CHL1: variants seen among roughly 807,000 people sequenced by gnomAD.
The protein encoded by CHL1 is neural cell adhesion molecule L1-like protein.
Under a neutral mutation model 141.9 loss-of-function variants are expected in CHL1, and 96 were observed. That is an observed-to-expected ratio of 0.68 (90% CI 0.57 to 0.80). The LOEUF (loss-of-function observed/expected upper bound fraction) is 0.80, where lower values mean the gene tolerates loss of function less well. Ranked by LOEUF, CHL1 falls within the 30% of genes least tolerant of loss-of-function variation. The pLI is 0.00. For missense variants in CHL1, 1,820 were observed against 1,457.2 expected (o/e 1.25, Z -4.05); for synonymous variants, 613 against 502.2 (o/e 1.22, Z -2.95).
At chr3:328,112 C>G (rs1386614424) in intron 4 of CHL1, 55 bp from the exon 5 acceptor site, 2 of 1,387,212 alleles carry the variant, frequency 1.4e-6, no homozygotes, top group African/African-American at 2.9e-5. Flanking sequence ...TTAATAAGTA[C>G]TCTAAACATA....
At chr3:235,061 A>G (rs142374341) in intron 1 of CHL1, among the ~76,000 whole-genome samples, 144 of 151,916 alleles carry the variant, frequency 9.5e-4, no homozygotes, top group African/African-American at 2.9e-3. Context: ...TGTGCAGGTT[A>G]GTTACATATG....
intron 1 of CHL1, among the ~76,000 whole-genome samples, chr3:242,353 T>A (rs192073349): frequency 9.4e-5 from 14 of 148,878 alleles, no homozygotes; most frequent in Middle Eastern, 7.0e-3. Flanking sequence ...TCCCAGCACT[T>A]TGGGAGGCTG....
At chr3:385,350 G>T (rs989828997) in intron 19 of CHL1, among the ~76,000 whole-genome samples, 1 of 152,154 alleles carries the variant, frequency 6.6e-6, no homozygotes, top group African/African-American at 2.4e-5. Context: ...GTCATAAAGA[G>T]AAACTGGGAA....
intron 2 of CHL1, among the ~76,000 whole-genome samples, chr3:304,363 T>C (rs1699037017): frequency 6.6e-6 from 1 of 152,184 alleles, no homozygotes; most frequent in Admixed American, 6.5e-5. Context: ...TGTGAATCCA[T>C]CTGGTCCTGG....
At chr3:400,611 G>T (rs1709046962) in intron 26 of CHL1, among the ~76,000 whole-genome samples, 2 of 130,172 alleles carry the variant, frequency 1.5e-5, no homozygotes, top group Middle Eastern at 8.4e-3. Context: ...TAAGTAAAGG[G>T]AACAAGAGCT....
intron 12 of CHL1, 92 bp from the exon 13 acceptor site, chr3:361,607 T>A (rs1704259250): frequency 1.3e-6 from 1 of 782,168 alleles, no homozygotes; most frequent in Admixed American, 2.0e-5. Context: ...TGTTTTCTGT[T>A]TGTATTCGTA....
intron 1 of CHL1, among the ~76,000 whole-genome samples, chr3:211,287 A>G (rs1230431888): frequency 6.6e-6 from 1 of 152,176 alleles, no homozygotes; most frequent in Non-Finnish European, 1.5e-5. Context: ...GAGCTCCTAT[A>G]CCTATAACTC....
chr3:226,272 T>G (rs940615494), intron 1 of CHL1, among the ~76,000 whole-genome samples: 18 of 149,540 alleles, frequency 1.2e-4, no homozygotes, highest in Non-Finnish European at 2.4e-4. Flanking sequence ...TCCGCCTGCT[T>G]CGGCCTCCCA....
At chr3:372,673 G>A (rs1705787199) in intron 15 of CHL1, among the ~76,000 whole-genome samples, 1 of 151,990 alleles carries the variant, frequency 6.6e-6, no homozygotes, top group African/African-American at 2.4e-5. Flanking sequence ...TGTGATCACT[G>A]GGAGGAGAGG....
chr3:320,411 AG>A (rs1239025156), intron 3 of CHL1, among the ~76,000 whole-genome samples: 1 of 152,078 alleles, frequency 6.6e-6, no homozygotes, highest in Non-Finnish European at 1.5e-5. Context: ...GAGGTTAAAC[AG>A]TAGTCTGATG....
intron 2 of CHL1, among the ~76,000 whole-genome samples, chr3:318,577 CCTTAATT>C (rs1307287855): frequency 6.6e-6 from 1 of 151,372 alleles, no homozygotes; most frequent in African/African-American, 2.4e-5. Flanking sequence ...AAAATTAAAA[CCTTAATT>C]CTTATTCTAT....
At chr3:370,994 G>C (rs955110048) in intron 15 of CHL1, among the ~76,000 whole-genome samples, 4 of 152,004 alleles carry the variant, frequency 2.6e-5, no homozygotes, top group Non-Finnish European at 5.9e-5. Flanking sequence ...ACGGTTTTTT[G>C]TATTTGCTGA....
intron 1 of CHL1, among the ~76,000 whole-genome samples, chr3:223,947 A>G (rs557646867): frequency 2.6e-5 from 4 of 152,330 alleles, no homozygotes; most frequent in African/African-American, 9.6e-5. Flanking sequence ...TGGTGGAGTC[A>G]GCTGGCCTGC....
intron 2 of CHL1, among the ~76,000 whole-genome samples, chr3:256,368 A>AGTGG (rs1442526560): frequency 6.6e-6 from 1 of 152,204 alleles, no homozygotes; most frequent in African/African-American, 2.4e-5. Flanking sequence ...CACCACTCTA[A>AGTGG]GTGGTAACTT....
chr3:383,950 C>A, intron 19 of CHL1, 64 bp downstream of exon 19: 1 of 1,082,390 alleles, frequency 9.2e-7, no homozygotes, highest in Non-Finnish European at 1.4e-6. Context: ...GGTCTGCATG[C>A]TAACTACAAT....
chr3:211,113 C>A (rs1699870225), intron 1 of CHL1, among the ~76,000 whole-genome samples: 1 of 152,078 alleles, frequency 6.6e-6, no homozygotes, highest in Non-Finnish European at 1.5e-5. Context: ...CACGGTGAAC[C>A]CCAAATGTCA....
At chr3:348,847 A>G (rs1702989617) in intron 9 of CHL1, among the ~76,000 whole-genome samples, 2 of 152,226 alleles carry the variant, frequency 1.3e-5, no homozygotes, top group African/African-American at 4.8e-5. Flanking sequence ...CGACATGTCC[A>G]GCTTTCACGC....
At chr3:320,578 T>G (rs1700482065) in intron 3 of CHL1, among the ~76,000 whole-genome samples, 1 of 152,046 alleles carries the variant, frequency 6.6e-6, no homozygotes, top group African/African-American at 2.4e-5. Flanking sequence ...TCCCACCTAT[T>G]TAGGAGTCTG....
chr3:243,430 T>C (rs76702559), intron 1 of CHL1, among the ~76,000 whole-genome samples: 5,553 of 152,228 alleles, frequency 0.036, 129 homozygotes, highest in Middle Eastern at 0.054. Flanking sequence ...CATAAACATT[T>C]CTGCTTGTAA....
Sources: gnomAD v4.1 joint callset for allele counts (sites outside exome capture counted in the v4.1 genomes callset) on GRCh38, gnomAD v4.1.1 for gene constraint, MANE v1.5 for transcripts, NCBI Gene and HGNC (gene_info 2026-07-23, HGNC 2026-07-21) for gene names.